The following DPP10 variants were observed in gnomAD, a reference collection of about 807,000 sequenced individuals.
DPP10 encodes the protein dipeptidyl peptidase like 10, also known as inactive dipeptidyl peptidase 10.
DPP10 carries 33 observed loss-of-function variants against 120.9 expected under a neutral mutation model. The ratio of observed to expected loss-of-function variants is 0.27; its 90% CI spans 0.21 to 0.37. The LOEUF (loss-of-function observed/expected upper bound fraction) is 0.37, where lower values mean the gene tolerates loss of function less well. DPP10 is among the 10% of genes least tolerant of loss of function. The pLI, the probability that DPP10 is intolerant of heterozygous loss-of-function variation, is 1.00. For synonymous variants in DPP10, 337 were observed against 326.1 expected (o/e 1.03, Z -0.36); for missense variants, 816 against 942.8 (o/e 0.87, Z 1.76).
intron 4 of DPP10, among the ~76,000 whole-genome samples, chr2:115,506,728 A>G (rs1012875801): frequency 1.2e-4 from 18 of 152,132 alleles, no homozygotes; most frequent in Admixed American, 6.6e-4. Flanking sequence ...AGATCTATCT[A>G]TGCAGATATT....
At chr2:115,478,564 T>C (rs2075235676) in intron 3 of DPP10, among the ~76,000 whole-genome samples, 1 of 152,110 alleles carries the variant, frequency 6.6e-6, no homozygotes, top group Non-Finnish European at 1.5e-5. Context: ...ATTGGACTTA[T>C]AAATTTTTTT....
chr2:115,228,500 A>G (rs1160149383), intron 1 of DPP10, among the ~76,000 whole-genome samples: 3 of 151,960 alleles, frequency 2.0e-5, no homozygotes, highest in Non-Finnish European at 4.4e-5. Flanking sequence ...ACCCGCTTCA[A>G]TCCCCCCTCC....
rs1390750845 is a variant in DPP10 at position 115,197,835 on chromosome 2, A to G, written c.61-111404A>G. On this transcript the variant is annotated intron_variant, in intron 1 of 25. Coordinates refer to ENST00000410059, the MANE Select transcript of DPP10 (RefSeq NM_020868.6). ...ATGACGTTTGTAATTGGTATGATTC[A>G]GAATTTAATTAGATAAACTACCTAG... Among the ~76,000 whole-genome samples the G allele has an allele frequency of 2.6e-5, 4 of 152,214 alleles. No individual in the cohort carries two copies. The East Asian group carries it at 5.8e-4, about 22-fold the overall frequency.
chr2:115,160,236 A>G (rs2052209327), intron 1 of DPP10, among the ~76,000 whole-genome samples: 1 of 152,232 alleles, frequency 6.6e-6, no homozygotes, highest in Non-Finnish European at 1.5e-5. Flanking sequence ...TAGGTCTTTC[A>G]CAATATGCAC....
chr2:115,775,820 G>T (rs900438377), intron 13 of DPP10, among the ~76,000 whole-genome samples: 10 of 151,896 alleles, frequency 6.6e-5, no homozygotes, highest in African/African-American at 1.9e-4. Context: ...CTTATTTTTT[G>T]AACAGAAATG....
At chr2:115,790,966 T>G in intron 17 of DPP10, 115 bp from the exon 18 acceptor site, 2 of 611,644 alleles carry the variant, frequency 3.3e-6, no homozygotes, top group South Asian at 2.7e-5. Flanking sequence ...AAATGATGAG[T>G]TAATCAGCAC....
At chr2:114,589,139 G>A (rs1691251778) in intron 1 of DPP10, among the ~76,000 whole-genome samples, 1 of 151,896 alleles carries the variant, frequency 6.6e-6, no homozygotes, top group Non-Finnish European at 1.5e-5. Context: ...TGTGAGTGTT[G>A]AAGGCAGGGG....
At chr2:115,467,958 C>A in intron 3 of DPP10, 1 of 239,994 alleles carries the variant, frequency 4.2e-6, no homozygotes. Context: ...GAAGATTATC[C>A]TAAGGATTCT....
At chr2:115,157,187 T>C (rs1163487001) in intron 1 of DPP10, among the ~76,000 whole-genome samples, 2 of 148,352 alleles carry the variant, frequency 1.3e-5, no homozygotes, top group Non-Finnish European at 3.0e-5. Context: ...TTAATTCCTG[T>C]ATATATGACA....
chr2:115,345,536 T>C (rs147413820), intron 3 of DPP10, among the ~76,000 whole-genome samples: 235 of 152,290 alleles, frequency 1.5e-3, no homozygotes, highest in Non-Finnish European at 2.1e-3. Context: ...TTATGAGTTG[T>C]TAGATTTGAA....
chr2:115,676,114 C>T (rs1029472895), intron 5 of DPP10, among the ~76,000 whole-genome samples: 11 of 152,310 alleles, frequency 7.2e-5, no homozygotes, highest in Non-Finnish European at 1.5e-4. Context: ...CCACAACCAG[C>T]AATTACATTT....
intron 3 of DPP10, among the ~76,000 whole-genome samples, chr2:115,402,875 ATGTGTGTGTGTGTGTG>A (rs1553584409): frequency 1.0e-4 from 13 of 125,206 alleles, no homozygotes; most frequent in African/African-American, 3.2e-4. Flanking sequence ...ATATATATAT[ATGTGTGTGTGTGTGTG>A]TATATATATA....
At chr2:115,209,018 C>T (rs1489477937) in intron 1 of DPP10, among the ~76,000 whole-genome samples, 2 of 152,122 alleles carry the variant, frequency 1.3e-5, no homozygotes, top group Non-Finnish European at 2.9e-5. Context: ...AGTAAACTGG[C>T]ATGATGTTGG....
At chr2:114,523,889 G>A (rs780187946) in intron 1 of DPP10, among the ~76,000 whole-genome samples, 12 of 152,094 alleles carry the variant, frequency 7.9e-5, no homozygotes, top group Admixed American at 2.6e-4. Flanking sequence ...TGTCTCAAAT[G>A]GCAAGAACAG....
chr2:114,723,403 A>G (rs925491415), intron 1 of DPP10, among the ~76,000 whole-genome samples: 6 of 152,216 alleles, frequency 3.9e-5, no homozygotes, highest in Non-Finnish European at 7.3e-5. Flanking sequence ...AAGATGTACA[A>G]CAGTTCCAAA....
intron 1 of DPP10, among the ~76,000 whole-genome samples, chr2:115,242,247 T>C (rs1189822959): frequency 1.3e-5 from 2 of 152,340 alleles, no homozygotes; most frequent in South Asian, 2.1e-4. Context: ...AGTGAGAACA[T>C]ACAATGTTTG....
intron 1 of DPP10, among the ~76,000 whole-genome samples, chr2:114,769,497 T>C (rs565947072): frequency 1.4e-4 from 21 of 152,266 alleles, no homozygotes; most frequent in African/African-American, 4.8e-4. Context: ...AGGTTCAAAA[T>C]GAAAATAGGT....
chr2:114,995,693 G>A (rs1423274963), intron 1 of DPP10, among the ~76,000 whole-genome samples: 1 of 152,078 alleles, frequency 6.6e-6, no homozygotes, highest in African/African-American at 2.4e-5. Context: ...GTTTTAGAGT[G>A]GGGGGAACCA....
At chr2:115,419,199 G>T (rs1294548143) in intron 3 of DPP10, among the ~76,000 whole-genome samples, 1 of 152,084 alleles carries the variant, frequency 6.6e-6, no homozygotes, top group Non-Finnish European at 1.5e-5. Context: ...ATTTCAAATA[G>T]CCTGTTAAAT....
Sources: gnomAD v4.1 joint callset for allele counts (sites outside exome capture counted in the v4.1 genomes callset) on GRCh38, gnomAD v4.1.1 for gene constraint, MANE v1.5 for transcripts, NCBI Gene and HGNC (gene_info 2026-07-23, HGNC 2026-07-21) for gene names.